The following ZFAND6 variants were observed in gnomAD, a reference collection of about 807,000 sequenced individuals.
The protein encoded by ZFAND6 is AN1-type zinc finger protein 6.
A neutral mutation model predicts 24.5 loss-of-function variants in ZFAND6; 12 were observed. That is an observed-to-expected ratio of 0.49 (90% CI 0.31 to 0.79). The LOEUF (loss-of-function observed/expected upper bound fraction) is 0.79, where lower values mean the gene tolerates loss of function less well. Ranked by LOEUF, ZFAND6 falls within the 30% of genes least tolerant of loss-of-function variation. The pLI is 0.04. For synonymous variants in ZFAND6, 92 were observed against 81.5 expected (o/e 1.13, Z -0.69); for missense variants, 207 against 245.9 (o/e 0.84, Z 1.06).
intron 1 of ZFAND6, among the ~76,000 whole-genome samples, chr15:80,078,872 C>A (rs1433784880): frequency 6.9e-6 from 1 of 144,504 alleles, no homozygotes; most frequent in Admixed American, 6.8e-5. Context: ...TTTTTTTTTT[C>A]ATTTGCTCAA....
At chr15:80,062,212 T>C (rs895118573) in intron 1 of ZFAND6, among the ~76,000 whole-genome samples, 2 of 152,190 alleles carry the variant, frequency 1.3e-5, no homozygotes, top group African/African-American at 4.8e-5. Flanking sequence ...AAGAAACTTG[T>C]CCTAAGCTTA....
intron 1 of ZFAND6, among the ~76,000 whole-genome samples, chr15:80,096,456 T>G (rs377720263): frequency 1.3e-5 from 2 of 152,210 alleles, no homozygotes; most frequent in Non-Finnish European, 2.9e-5. Context: ...ATAACTCTTA[T>G]GAGATTTTGA....
chr15:80,120,628 A>C, intron 3 of ZFAND6, 130 bp downstream of exon 3: 5 of 747,480 alleles, frequency 6.7e-6, no homozygotes, highest in Non-Finnish European at 9.3e-6. Context: ...AAAATTTCTC[A>C]TTACACATTG....
At chr15:80,089,738 G>C (rs1160796677) in intron 1 of ZFAND6, among the ~76,000 whole-genome samples, 1 of 152,076 alleles carries the variant, frequency 6.6e-6, no homozygotes, top group Admixed American at 6.6e-5. Context: ...CACCCAGTCC[G>C]TTTTAGCCTA....
At chr15:80,062,243 CTTTAA>C (rs780724936) in intron 1 of ZFAND6, among the ~76,000 whole-genome samples, 32 of 152,284 alleles carry the variant, frequency 2.1e-4, no homozygotes, top group Non-Finnish European at 3.7e-4. Flanking sequence ...TTTGCACAGA[CTTTAA>C]TTAAGGAAAA....
intron 2 of ZFAND6, among the ~76,000 whole-genome samples, chr15:80,114,851 CTAAT>C (rs1246338609): frequency 1.3e-5 from 2 of 152,062 alleles, no homozygotes; most frequent in South Asian, 4.2e-4. Flanking sequence ...ATGGTTTTAG[CTAAT>C]TAAAGCTGCA....
intron 2 of ZFAND6, among the ~76,000 whole-genome samples, chr15:80,100,187 C>T (rs1332242820): frequency 2.6e-5 from 4 of 152,112 alleles, no homozygotes; most frequent in East Asian, 3.8e-4. Flanking sequence ...GTCTGTAAAA[C>T]GAAATTTAAT....
chr15:80,125,655 A>G (rs958053624), intron 5 of ZFAND6, among the ~76,000 whole-genome samples: 2 of 152,218 alleles, frequency 1.3e-5, no homozygotes, highest in African/African-American at 4.8e-5. Flanking sequence ...GTATAAGTCA[A>G]ATTTCCAGTT....
intron 1 of ZFAND6, among the ~76,000 whole-genome samples, chr15:80,079,442 G>A (rs1185879730): frequency 1.3e-5 from 2 of 151,626 alleles, no homozygotes; most frequent in Admixed American, 6.6e-5. Context: ...GGATGGTCTC[G>A]ATCTCCTGAC....
At chr15:80,084,633 C>T (rs1242409512) in intron 1 of ZFAND6, among the ~76,000 whole-genome samples, 2 of 152,116 alleles carry the variant, frequency 1.3e-5, no homozygotes, top group Admixed American at 1.3e-4. Context: ...TGATAGTTTC[C>T]TTGAAAACAA....
intron 1 of ZFAND6, among the ~76,000 whole-genome samples, chr15:80,096,241 G>C (rs116728105): frequency 6.6e-6 from 1 of 152,130 alleles, no homozygotes; most frequent in Non-Finnish European, 1.5e-5. Flanking sequence ...CTGTTATATC[G>C]TAAACACCTA....
intron 1 of ZFAND6, among the ~76,000 whole-genome samples, chr15:80,098,147 A>G (rs2038839645): frequency 1.3e-5 from 2 of 152,174 alleles, no homozygotes; most frequent in African/African-American, 2.4e-5. Context: ...AAAAATACCT[A>G]CTTTTGCTTA....
At chr15:80,089,274 T>TG (rs956319678) in intron 1 of ZFAND6, among the ~76,000 whole-genome samples, 2 of 141,262 alleles carry the variant, frequency 1.4e-5, no homozygotes, top group African/African-American at 5.3e-5. Flanking sequence ...TTTTTTTTTT[T>TG]TTTTTTTTTT....
At chr15:80,095,330 T>C (rs1212209994) in intron 1 of ZFAND6, among the ~76,000 whole-genome samples, 1 of 152,218 alleles carries the variant, frequency 6.6e-6, no homozygotes, top group Non-Finnish European at 1.5e-5. Context: ...TGCTTTTCAG[T>C]GCATCACATT....
intron 5 of ZFAND6, among the ~76,000 whole-genome samples, chr15:80,124,160 G>A (rs146482807): frequency 0.015 from 2,344 of 152,318 alleles, 46 homozygotes; most frequent in Non-Finnish European, 0.019. Flanking sequence ...AAGACTGGGC[G>A]CGGTGGCTCA....
At chr15:80,077,011 C>G (rs1202336292) in intron 1 of ZFAND6, among the ~76,000 whole-genome samples, 2 of 152,112 alleles carry the variant, frequency 1.3e-5, no homozygotes, top group Non-Finnish European at 2.9e-5. Flanking sequence ...GAGGCACAGG[C>G]AAAGTAAAGG....
intron 5 of ZFAND6, chr15:80,129,699 A>G (rs562299070): frequency 6.6e-6 from 1 of 152,334 alleles, no homozygotes; most frequent in South Asian, 2.1e-4. Context: ...AAGTTAAACC[A>G]AGTTAAGCCA....
chr15:80,096,812 G>A (rs2038750564), intron 1 of ZFAND6, among the ~76,000 whole-genome samples: 1 of 152,072 alleles, frequency 6.6e-6, no homozygotes, highest in East Asian at 1.9e-4. Context: ...ATAGGGGAAA[G>A]GTAGTTATCT....
chr15:80,059,054 T>C (rs1369469342), upstream of ZFAND6, among the ~76,000 whole-genome samples: 2 of 152,380 alleles, frequency 1.3e-5, no homozygotes, highest in South Asian at 2.1e-4. Flanking sequence ...CATGTATGTA[T>C]TGCACACGTG....
Sources: gnomAD v4.1 joint callset for allele counts (sites outside exome capture counted in the v4.1 genomes callset) on GRCh38, gnomAD v4.1.1 for gene constraint, MANE v1.5 for transcripts, NCBI Gene and HGNC (gene_info 2026-07-23, HGNC 2026-07-21) for gene names.